ADCY3: variants seen among roughly 807,000 people sequenced by gnomAD.
ADCY3 encodes the protein adenylate cyclase 3.
In ADCY3, 70 loss-of-function variants were observed where a neutral mutation model predicts 119.4. The ratio of observed to expected loss-of-function variants is 0.59; its 90% CI spans 0.48 to 0.72. The LOEUF is 0.72. Among genes scored for constraint, ADCY3 ranks in the 30% least tolerant of loss-of-function variants. The pLI is 0.00. For synonymous variants in ADCY3, 672 were observed against 621.4 expected (o/e 1.08, Z -1.21); for missense variants, 1,238 against 1,541.6 (o/e 0.80, Z 3.30).
Position 24,834,424 on chromosome 2 carries a change from C to T in ADCY3, c.1967+61G>A, listed in dbSNP as rs1317550185. On this transcript the variant is annotated intron_variant, in intron 11 of 21. Transcript: ENST00000679454. The surrounding 1 kb of genome is among the most constrained non-coding windows in gnomAD (Gnocchi z 4.2). The stretch of plus-strand genomic sequence containing the variant: ...GCTCCCGCTGAGACACCTGCCCCCG[C>T]CCCCCGCCCGGCACCACCGCAGCCG... 41 of 931,432 alleles carry T rather than the reference C, an allele frequency of 4.4e-5. No homozygotes were observed. Among genetic ancestry groups the T allele is most frequent in the Non-Finnish European group, 5.8e-5 (37 of 633,924 alleles). The allele number at this position is 931,432 out of a possible 1,614,324, so 57.7% of individuals were successfully genotyped here.
intron 8 of ADCY3, 146 bp from the exon 9 acceptor site, chr2:24,837,191 G>A (rs952074730): frequency 6.1e-5 from 59 of 960,416 alleles, no homozygotes; most frequent in African/African-American, 8.3e-5. Context: ...AAAGTGAGGC[G>A]TCAAGGATGA....
intron 2 of ADCY3, among the ~76,000 whole-genome samples, chr2:24,907,041 G>C (rs1662933367): frequency 6.6e-6 from 1 of 152,180 alleles, no homozygotes; most frequent in South Asian, 2.1e-4. Flanking sequence ...TGAGGCAGGA[G>C]AATCACTTAA....
intron 3 of ADCY3, among the ~76,000 whole-genome samples, chr2:24,857,991 A>ATTT (rs56672595): frequency 0.041 from 5,022 of 122,290 alleles, 442 homozygotes; most frequent in African/African-American, 0.16. Context: ...TGTGGTCTGA[A>ATTT]TTTTTTTTTT....
intron 3 of ADCY3, among the ~76,000 whole-genome samples, chr2:24,862,770 A>T (rs989462108): frequency 1.5e-4 from 23 of 152,276 alleles, no homozygotes; most frequent in African/African-American, 5.5e-4. Context: ...CTAATTTATA[A>T]TACCATATTC....
intron 9 of ADCY3, among the ~76,000 whole-genome samples, chr2:24,836,131 C>T (rs1400838166): frequency 2.0e-5 from 3 of 152,066 alleles, no homozygotes; most frequent in East Asian, 1.9e-4. Flanking sequence ...GGTCAGGGCC[C>T]GAAAAATCAG....
At position 24,843,851 on chromosome 2, in the gene ADCY3, T is replaced by C. The variant is rs190651240; in HGVS notation, c.826-1467A>G. 1.8e-3 allele frequency among the ~76,000 whole-genome samples: 272 copies of C among 152,306 alleles called. 2 individuals carry two copies. The highest frequency in any genetic ancestry group is 3.0e-3 in the Non-Finnish European group (202 of 68,028). ...AGAGAAAACCAGGGACAGAATGTGG[T>C]GCTGCGGAGGCGAAGCCAGGGACCA... On this transcript the variant is annotated intron_variant, in intron 3 of 21. Transcript: ENST00000679454.
intron 2 of ADCY3, among the ~76,000 whole-genome samples, chr2:24,908,905 A>C (rs1663232002): frequency 6.6e-6 from 1 of 152,108 alleles, no homozygotes; most frequent in South Asian, 2.1e-4. Flanking sequence ...CCCCCGACAC[A>C]CATTGGCTGC....
intron 2 of ADCY3, among the ~76,000 whole-genome samples, chr2:24,900,603 A>C (rs563259708): frequency 6.6e-6 from 1 of 152,222 alleles, no homozygotes; most frequent in South Asian, 2.1e-4. Flanking sequence ...ACCTAGAGAA[A>C]GTGCCCAGGA....
intron 21 of ADCY3, 145 bp from the exon 22 acceptor site, chr2:24,820,259 C>G: frequency 8.3e-7 from 1 of 1,200,988 alleles, no homozygotes; most frequent in Non-Finnish European, 1.1e-6. Context: ...CAGGGCCAAG[C>G]CCTTCCACCC....
chr2:24,820,604 T>C, intron 21 of ADCY3, 120 bp downstream of exon 21: 1 of 1,508,694 alleles, frequency 6.6e-7, no homozygotes, highest in East Asian at 2.3e-5. Flanking sequence ...GCCCCACGTC[T>C]CTGCCTCTGG....
At chr2:24,862,539 C>T (rs1340083655) in intron 3 of ADCY3, among the ~76,000 whole-genome samples, 2 of 119,282 alleles carry the variant, frequency 1.7e-5, no homozygotes, top group Admixed American at 7.3e-5. Context: ...GAGCGAGACT[C>T]CGCCTCAAAA....
chr2:24,826,745 G>A (rs1309909599), intron 15 of ADCY3: 4 of 64,162 alleles, frequency 6.2e-5, no homozygotes, highest in African/African-American at 1.1e-4. Context: ...TCTAAGATGT[G>A]TGTATATATA....
intron 2 of ADCY3, among the ~76,000 whole-genome samples, chr2:24,901,746 C>T (rs1678920812): frequency 6.7e-6 from 1 of 149,740 alleles, no homozygotes; most frequent in Admixed American, 6.7e-5. Flanking sequence ...GGAGCTCAAG[C>T]CCAACCTGGG....
At chr2:24,895,886 C>T (rs957139765) in intron 2 of ADCY3, among the ~76,000 whole-genome samples, 1 of 152,148 alleles carries the variant, frequency 6.6e-6, no homozygotes, top group Admixed American at 6.5e-5. Context: ...TTTTATTGCT[C>T]TAGCTTCAAT....
intron 3 of ADCY3, among the ~76,000 whole-genome samples, chr2:24,864,864 T>C (rs1487512436): frequency 1.3e-5 from 2 of 152,232 alleles, no homozygotes; most frequent in African/African-American, 2.4e-5. Flanking sequence ...TTTTATACTA[T>C]GTATATTTTA....
At chr2:24,828,291 T>C in intron 13 of ADCY3, 130 bp from the exon 14 acceptor site, 1 of 1,124,298 alleles carries the variant, frequency 8.9e-7, no homozygotes. Context: ...CCGGGAAAGA[T>C]GGGGAAATTT....
Position 24,826,051 on chromosome 2 carries a change from G to A in ADCY3, c.2571C>T (p.Ser857=). Residue 857 remains serine (S), a synonymous_variant, in exon 16 of 22, where the codon TCC becomes TCT. Coordinates refer to ENST00000679454, the MANE Select transcript of ADCY3 (RefSeq NM_004036.5). ...TCGTGCAGGCGGCACTCACGTGGCG[G>A]GAGAAGTAGTAGAAGCTGAGCATCA... ...FLMMLSFYYF[S]RHVEKLARTL... 6.2e-7 allele frequency: 1 copy of A among 1,614,056 alleles called. No homozygotes were observed. Among genetic ancestry groups the A allele is most frequent in the Non-Finnish European group, 8.5e-7 (1 of 1,179,956 alleles).
At chr2:24,838,258 C>G (rs933251008) in intron 8 of ADCY3, among the ~76,000 whole-genome samples, 187 bp downstream of exon 8, 1 of 152,102 alleles carries the variant, frequency 6.6e-6, no homozygotes, top group African/African-American at 2.4e-5. Context: ...CCATGAATTA[C>G]ACTCACCATC....
At chr2:24,853,126 G>A (rs966096827) in intron 3 of ADCY3, among the ~76,000 whole-genome samples, 5 of 151,440 alleles carry the variant, frequency 3.3e-5, no homozygotes, top group Admixed American at 2.6e-4. Context: ...ACTGCCTCCA[G>A]CCATATCAAA....
Sources: allele counts gnomAD v4.1 joint callset (sites outside exome capture counted in the v4.1 genomes callset), GRCh38; gene constraint gnomAD v4.1.1; non-coding constraint Gnocchi (gnomAD v3.1); transcripts MANE v1.5; gene names NCBI Gene and HGNC (gene_info 2026-07-23, HGNC 2026-07-21).